CSMD1: variants seen among roughly 807,000 people sequenced by gnomAD.
CSMD1 encodes the protein CUB and sushi domain-containing protein 1.
CSMD1 carries 213 observed loss-of-function variants against 417.5 expected under a neutral mutation model. That is an observed-to-expected ratio of 0.51 (90% CI 0.46 to 0.57). The LOEUF is 0.57. CSMD1 is among the 20% of genes least tolerant of loss of function. CSMD1 has a pLI of 0.00. For missense variants in CSMD1, 6,923 were observed against 4,529.7 expected (o/e 1.53, Z -15.17); for synonymous variants, 2,862 against 1,736.8 (o/e 1.65, Z -16.11).
intron 26 of CSMD1, among the ~76,000 whole-genome samples, chr8:3,271,289 T>C (rs1229038741): frequency 6.6e-6 from 1 of 152,020 alleles, no homozygotes; most frequent in African/African-American, 2.4e-5. Flanking sequence ...TAGTATTCCA[T>C]GGTGTATATG....
intron 1 of CSMD1, among the ~76,000 whole-genome samples, chr8:4,957,849 T>C (rs1187118178): frequency 6.6e-6 from 1 of 152,216 alleles, no homozygotes; most frequent in South Asian, 2.1e-4. Context: ...ACTCAGCTCC[T>C]GCAGTCACTC....
intron 3 of CSMD1, among the ~76,000 whole-genome samples, chr8:4,140,146 G>T (rs753810493): frequency 6.6e-6 from 1 of 150,656 alleles, no homozygotes; most frequent in Non-Finnish European, 1.5e-5. Context: ...TGAGCCCAGG[G>T]GTTTGCGACC....
chr8:4,507,268 C>G (rs999200202), intron 2 of CSMD1, among the ~76,000 whole-genome samples: 3 of 152,130 alleles, frequency 2.0e-5, no homozygotes, highest in Non-Finnish European at 4.4e-5. Context: ...CTTATTTTCT[C>G]TAAAAACTAT....
chr8:4,195,866 G>C (rs1421040432), intron 3 of CSMD1, among the ~76,000 whole-genome samples: 3 of 152,082 alleles, frequency 2.0e-5, no homozygotes, highest in African/African-American at 7.2e-5. Flanking sequence ...CATAGCATGC[G>C]AGACTTACGG....
chr8:3,778,325 C>G (rs1477694445), intron 5 of CSMD1, among the ~76,000 whole-genome samples: 1 of 152,146 alleles, frequency 6.6e-6, no homozygotes, highest in African/African-American at 2.4e-5. Flanking sequence ...ACATTTTCCC[C>G]AATTAGGGAA....
At chr8:3,240,695 G>A (rs910112541) in intron 26 of CSMD1, among the ~76,000 whole-genome samples, 1 of 152,106 alleles carries the variant, frequency 6.6e-6, no homozygotes, top group African/African-American at 2.4e-5. Context: ...AAGAAAGCAG[G>A]TTTGAGATCT....
At chr8:3,877,629 C>G (rs1171956627) in intron 5 of CSMD1, among the ~76,000 whole-genome samples, 1 of 152,134 alleles carries the variant, frequency 6.6e-6, no homozygotes, top group Non-Finnish European at 1.5e-5. Flanking sequence ...CCCAGTTCAT[C>G]TACTCCTTAC....
intron 4 of CSMD1, among the ~76,000 whole-genome samples, chr8:4,003,113 G>A (rs542101735): frequency 1.3e-5 from 2 of 152,238 alleles, no homozygotes; most frequent in South Asian, 2.1e-4. Context: ...CAAGATACAG[G>A]CTTGGCGCGG....
intron 49 of CSMD1, among the ~76,000 whole-genome samples, chr8:3,086,349 T>A (rs1814531171): frequency 6.6e-6 from 1 of 152,176 alleles, no homozygotes; most frequent in Admixed American, 6.5e-5. Flanking sequence ...ATCAACTTCT[T>A]ACAGTCAAAG....
intron 54 of CSMD1, among the ~76,000 whole-genome samples, chr8:2,981,435 G>T (rs976263849): frequency 6.6e-6 from 1 of 152,178 alleles, no homozygotes; most frequent in Non-Finnish European, 1.5e-5. Context: ...CTCCAGACCT[G>T]GTTCATGACA....
chr8:4,172,787 G>T (rs1186736907), intron 3 of CSMD1, among the ~76,000 whole-genome samples: 1 of 152,112 alleles, frequency 6.6e-6, no homozygotes, highest in Non-Finnish European at 1.5e-5. Context: ...CCACAGAGAA[G>T]CCTATCCCAT....
intron 27 of CSMD1, 39 bp downstream of exon 27, chr8:3,230,001 T>C (rs1211569713): frequency 7.1e-7 from 1 of 1,408,444 alleles, no homozygotes; most frequent in Admixed American, 2.4e-5. Context: ...CATGCATCCA[T>C]TCCTGAATAT....
intron 7 of CSMD1, among the ~76,000 whole-genome samples, chr8:3,678,022 G>A (rs138726515): frequency 2.0e-4 from 30 of 152,220 alleles, no homozygotes; most frequent in East Asian, 5.8e-4. Flanking sequence ...TCTTCAAAGC[G>A]TTCTGTCAAT....
intron 36 of CSMD1, chr8:3,182,851 T>G (rs1265267566): frequency 3.1e-5 from 3 of 96,380 alleles, no homozygotes; most frequent in Non-Finnish European, 6.1e-5. Context: ...GGTGTGTGTG[T>G]GTGTGTGTGT....
At chr8:4,252,637 T>C (rs1803156786) in intron 3 of CSMD1, among the ~76,000 whole-genome samples, 1 of 152,230 alleles carries the variant, frequency 6.6e-6, no homozygotes, top group African/African-American at 2.4e-5. Context: ...TCTCCAGAAG[T>C]AACACCCAGT....
At chr8:4,583,684 G>A (rs1374734295) in intron 2 of CSMD1, among the ~76,000 whole-genome samples, 1 of 152,130 alleles carries the variant, frequency 6.6e-6, no homozygotes, top group Non-Finnish European at 1.5e-5. Context: ...GGGTCGTGGA[G>A]AACCTTTGTA....
At chr8:3,530,428 G>C (rs1291047031) in intron 10 of CSMD1, among the ~76,000 whole-genome samples, 2 of 152,130 alleles carry the variant, frequency 1.3e-5, no homozygotes, top group African/African-American at 4.8e-5. Flanking sequence ...GATTGTTTAG[G>C]TGTGTTGTTT....
At chr8:3,391,994 A>G (rs1386957753) in intron 17 of CSMD1, among the ~76,000 whole-genome samples, 1 of 151,888 alleles carries the variant, frequency 6.6e-6, no homozygotes, top group Non-Finnish European at 1.5e-5. Flanking sequence ...TTCTCAGCAA[A>G]CTATCACAAA....
At chr8:3,446,123 T>C (rs1176810999) in intron 12 of CSMD1, among the ~76,000 whole-genome samples, 2 of 152,128 alleles carry the variant, frequency 1.3e-5, no homozygotes, top group Non-Finnish European at 2.9e-5. Flanking sequence ...AAGTTTGTTG[T>C]AATAGAATTG....
Sources: gnomAD v4.1 joint callset for allele counts (sites outside exome capture counted in the v4.1 genomes callset) on GRCh38, gnomAD v4.1.1 for gene constraint, MANE v1.5 for transcripts, NCBI Gene and HGNC (gene_info 2026-07-23, HGNC 2026-07-21) for gene names.